The following OR9Q1 variants were observed in gnomAD, a reference collection of about 807,000 sequenced individuals.
OR9Q1 encodes olfactory receptor 9Q1.
For missense variants in OR9Q1, 374 were observed against 378.8 expected (o/e 0.99, Z 0.11); for synonymous variants, 153 against 148.6 (o/e 1.03, Z -0.22).
intron 2 of OR9Q1, among the ~76,000 whole-genome samples, chr11:58,103,686 T>G (rs956502897): frequency 9.9e-5 from 15 of 152,244 alleles, no homozygotes; most frequent in African/African-American, 3.6e-4. Context: ...CTCATGCTGC[T>G]ACATTATCAG....
At chr11:58,146,200 A>C (rs867386025) in intron 2 of OR9Q1, among the ~76,000 whole-genome samples, 2 of 152,224 alleles carry the variant, frequency 1.3e-5, no homozygotes, top group Non-Finnish European at 2.9e-5. Flanking sequence ...AGCATTGTTC[A>C]TGGACCATCT....
chr11:58,179,657 C>T lies in OR9Q1; in HGVS notation c.213C>T (p.Val71=), dbSNP rs1329846121. The T allele has an allele frequency of 1.9e-6, 3 of 1,613,628 alleles. No homozygotes were observed. The highest frequency in any genetic ancestry group is 2.5e-6 in the Non-Finnish European group (3 of 1,179,580). Residue 71 remains valine (V), a synonymous_variant, in exon 3 of 3, where the codon GTC becomes GTT. Transcript: ENST00000335397. ...FLLSHLAFMD[V]CYSSITVPQM... is the part of the protein sequence containing the mutation. ...TGAGTCACCTCGCTTTCATGGACGT[C>T]TGCTACTCATCTATCACTGTCCCCC... is the stretch of plus-strand genomic sequence containing the variant.
At position 58,131,115 on chromosome 11, in the gene OR9Q1, G is replaced by A. The variant is rs148311578; in HGVS notation, c.-14-48316G>A. ...CATGTGCTTTTGGCTCTTAAATGCT[G>A]CAGGGCTAGAGCTCAGAAGGACCAC... On this transcript the variant is annotated intron_variant, in intron 2 of 2. Transcript: ENST00000335397. 8.1e-4 allele frequency among the ~76,000 whole-genome samples: 124 copies of A among 152,278 alleles called. 1 individual carries two copies. The highest frequency in any genetic ancestry group is 2.7e-3 in the African/African-American group (112 of 41,556).
In OR9Q1 at chr11:58,181,430, C is replaced by T. The variant is rs923107430; in HGVS notation, c.*1053C>T. The T allele has an allele frequency of 6.0e-6, 1 of 166,996 alleles. No homozygotes were observed. The highest frequency in any genetic ancestry group is 2.4e-5 in the African/African-American group (1 of 41,426). The allele number at this position is 166,996 out of a possible 1,614,324, so 10.3% of individuals were successfully genotyped here. ...ATCTGTCTGTTCTTAATCTTTACTT[C>T]TCTAATCACAGGGGACTTGTCTCAA... On this transcript the variant is annotated 3_prime_UTR_variant, in exon 3 of 3. Transcript: ENST00000335397.
intron 2 of OR9Q1, among the ~76,000 whole-genome samples, chr11:58,134,337 G>T (rs563816096): frequency 6.6e-6 from 1 of 152,292 alleles, no homozygotes; most frequent in South Asian, 2.1e-4. Flanking sequence ...CAGAGACAGC[G>T]CCTCACCAGG....
At chr11:58,148,226 T>C (rs534221936) in intron 2 of OR9Q1, among the ~76,000 whole-genome samples, 1 of 152,280 alleles carries the variant, frequency 6.6e-6, no homozygotes, top group East Asian at 1.9e-4. Flanking sequence ...AACTAGATTA[T>C]CAGCATGAGG....
chr11:58,024,132 T>C (rs894624833), intron 1 of OR9Q1, 28 bp downstream of exon 1: 2 of 152,260 alleles, frequency 1.3e-5, no homozygotes, highest in African/African-American at 4.8e-5. Context: ...TCCACTGATT[T>C]CAGAGACGGT....
At chr11:58,026,162 T>C (rs2119897999) in intron 1 of OR9Q1, among the ~76,000 whole-genome samples, 1 of 152,310 alleles carries the variant, frequency 6.6e-6, no homozygotes, top group African/African-American at 2.4e-5. Context: ...TCATTTTGGG[T>C]TAGAGGCCTG....
rs1375598290 is a variant in OR9Q1 at position 58,087,371 on chromosome 11, C to T, written c.-15+31424C>T. ...TTTTTTTCCTTTATATACCTGGAAT[C>T]ATACAGTATGAAGTCATTTGTGTCT... On this transcript the variant is annotated intron_variant, in intron 2 of 2. Coordinates refer to ENST00000335397, the MANE Select transcript of OR9Q1 (RefSeq NM_001005212.4). Among the ~76,000 whole-genome samples the T allele has an allele frequency of 2.0e-5, 3 of 151,854 alleles. No homozygotes were observed. The East Asian group carries it at 5.8e-4, about 29-fold the overall frequency.
intron 2 of OR9Q1, among the ~76,000 whole-genome samples, chr11:58,132,291 C>T (rs563287040): frequency 6.6e-6 from 1 of 152,304 alleles, no homozygotes; most frequent in African/African-American, 2.4e-5. Flanking sequence ...AGCTAAATTA[C>T]ACTAGGCCAC....
chr11:58,090,979 G>A (rs2514174), intron 2 of OR9Q1, among the ~76,000 whole-genome samples: 82,276 of 151,790 alleles, frequency 0.54, 22,709 homozygotes, highest in Middle Eastern at 0.61. Context: ...CTGTGGGATC[G>A]GTGGTGATAT....
At chr11:58,044,411 C>T (rs1413595508) in intron 1 of OR9Q1, 1 of 152,050 alleles carries the variant, frequency 6.6e-6, no homozygotes, top group Non-Finnish European at 1.5e-5. Context: ...TTCCACAGGA[C>T]GTTTTTCGTT....
Position 58,067,876 on chromosome 11 carries a change from G to A in OR9Q1, c.-15+11929G>A, listed in dbSNP as rs191104656. ...GCAGAAACGGGGAAGGGCATGCTCT[G>A]CAAGGGCCACCTGCCAACTTGCTGG... is the stretch of plus-strand genomic sequence containing the variant. On this transcript the variant is annotated intron_variant, in intron 2 of 2. Coordinates refer to ENST00000335397, the MANE Select transcript of OR9Q1 (RefSeq NM_001005212.4). 1.5e-3 allele frequency among the ~76,000 whole-genome samples: 222 copies of A among 152,334 alleles called. 2 individuals carry two copies. Among genetic ancestry groups the A allele is most frequent in the Admixed American group, 0.013 (194 of 15,306 alleles).
chr11:58,088,072 C>T (rs931553945), intron 2 of OR9Q1, among the ~76,000 whole-genome samples: 2 of 151,784 alleles, frequency 1.3e-5, no homozygotes, highest in Non-Finnish European at 2.9e-5. Flanking sequence ...AACTCCTGAC[C>T]TCAAATGATC....
At chr11:58,132,343 C>T (rs1328643956) in intron 2 of OR9Q1, among the ~76,000 whole-genome samples, 3 of 152,142 alleles carry the variant, frequency 2.0e-5, no homozygotes, top group Non-Finnish European at 2.9e-5. Context: ...AGCCAGCCTC[C>T]CCTAGTTCCA....
intron 2 of OR9Q1, among the ~76,000 whole-genome samples, chr11:58,154,852 G>T (rs1179233286): frequency 6.6e-6 from 1 of 152,200 alleles, no homozygotes; most frequent in Non-Finnish European, 1.5e-5. Context: ...CAGCCATTGT[G>T]AAGTTCACCT....
chr11:58,096,537 TG>T (rs1293844682), intron 2 of OR9Q1, among the ~76,000 whole-genome samples: 1 of 152,168 alleles, frequency 6.6e-6, no homozygotes, highest in Non-Finnish European at 1.5e-5. Flanking sequence ...TTTTTAGAGA[TG>T]GAGTCTTGCT....
At chr11:58,108,089 A>G (rs1323547399) in intron 2 of OR9Q1, among the ~76,000 whole-genome samples, 1 of 152,202 alleles carries the variant, frequency 6.6e-6, no homozygotes, top group East Asian at 1.9e-4. Context: ...AGAAGATATT[A>G]TAGTCCTGCA....
At position 58,118,723 on chromosome 11, in the gene OR9Q1, C is replaced by T. The variant is rs1180959390; in HGVS notation, c.-14-60708C>T. 5 of 1,613,924 alleles carry T rather than the reference C, an allele frequency of 3.1e-6. No individual in the cohort carries two copies. Among genetic ancestry groups the T allele is most frequent in the Non-Finnish European group, 4.2e-6 (5 of 1,179,980 alleles). On this transcript the variant is annotated intron_variant, in intron 2 of 2. Transcript: ENST00000335397. ...GGCCACAGCAGTGATGTGAGAGGCA[C>T]ATGTGGAGAAAGTCTTGGCCCTGCC...
Sources: gnomAD v4.1 joint callset for allele counts (sites outside exome capture counted in the v4.1 genomes callset) on GRCh38, gnomAD v4.1.1 for gene constraint, MANE v1.5 for transcripts, NCBI Gene and HGNC (gene_info 2026-07-23, HGNC 2026-07-21) for gene names.